ARAP2: variants seen among roughly 807,000 people sequenced by gnomAD.
ARAP2 encodes ArfGAP with RhoGAP domain, ankyrin repeat and PH domain 2.
ARAP2 carries 148 observed loss-of-function variants against 194.5 expected under a neutral mutation model. The ratio of observed to expected loss-of-function variants is 0.76; its 90% CI spans 0.67 to 0.87. The LOEUF (loss-of-function observed/expected upper bound fraction) is 0.87, where lower values mean the gene tolerates loss of function less well. Among genes scored for constraint, ARAP2 ranks in the 40% least tolerant of loss-of-function variants. ARAP2 has a pLI of 0.00. For synonymous variants in ARAP2, 695 were observed against 683.5 expected (o/e 1.02, Z -0.26); for missense variants, 2,128 against 1,989.7 (o/e 1.07, Z -1.32).
intron 8 of ARAP2, among the ~76,000 whole-genome samples, chr4:36,182,457 C>T (rs898250523): frequency 5.3e-5 from 8 of 151,952 alleles, no homozygotes; most frequent in Admixed American, 5.2e-4. Context: ...GATTGTGCCA[C>T]TGCACTCCAG....
At chr4:36,164,177 G>T (rs1439798602) in intron 11 of ARAP2, among the ~76,000 whole-genome samples, 1 of 152,080 alleles carries the variant, frequency 6.6e-6, no homozygotes, top group Non-Finnish European at 1.5e-5. Flanking sequence ...CTCTCTCTCT[G>T]TCTCTCTCAT....
intron 19 of ARAP2, 50 bp downstream of exon 19, chr4:36,147,246 C>A: frequency 1.3e-6 from 2 of 1,522,820 alleles, no homozygotes; most frequent in Non-Finnish European, 1.8e-6. Context: ...AACAAAATCC[C>A]GCTGCCCAGA....
At chr4:36,026,365 T>C (rs1156379155) in intron 5 of ARAP2, among the ~76,000 whole-genome samples, 1 of 152,202 alleles carries the variant, frequency 6.6e-6, no homozygotes, top group African/African-American at 2.4e-5. Context: ...TTGGCAGGGA[T>C]GTCAGACGGG....
At chr4:36,021,348 C>G (rs893247110) in intron 5 of ARAP2, among the ~76,000 whole-genome samples, 1 of 152,214 alleles carries the variant, frequency 6.6e-6, no homozygotes, top group Non-Finnish European at 1.5e-5. Flanking sequence ...ATTCAAATCT[C>G]ATGTTCAATT....
chr4:36,113,171 G>A (rs923799537), intron 26 of ARAP2, among the ~76,000 whole-genome samples: 2 of 152,062 alleles, frequency 1.3e-5, no homozygotes, highest in African/African-American at 4.8e-5. Context: ...GTGAATCTGG[G>A]AACTTGACAG....
At chr4:36,090,864 T>G (rs1713431440) in intron 28 of ARAP2, among the ~76,000 whole-genome samples, 1 of 152,100 alleles carries the variant, frequency 6.6e-6, no homozygotes, top group African/African-American at 2.4e-5. Context: ...CAAGTTTACC[T>G]ATCTAACAAA....
At chr4:36,106,435 A>G (rs1357067983) in intron 27 of ARAP2, among the ~76,000 whole-genome samples, 3 of 151,862 alleles carry the variant, frequency 2.0e-5, no homozygotes. Context: ...TACTACTTGC[A>G]TTTTGTAAAA....
intron 6 of ARAP2, among the ~76,000 whole-genome samples, chr4:36,195,986 T>C (rs1036939995): frequency 2.0e-5 from 3 of 152,262 alleles, no homozygotes; most frequent in African/African-American, 2.4e-5. Context: ...AAAAGCACAG[T>C]CCTTCTGGCA....
chr4:36,114,427 C>G, intron 25 of ARAP2, 140 bp from the exon 26 acceptor site: 1 of 588,600 alleles, frequency 1.7e-6, no homozygotes, highest in Non-Finnish European at 3.0e-6. Flanking sequence ...TTCCCTAATC[C>G]CATACAGAAA....
chr4:36,039,112 A>G (rs1356132024), intron 5 of ARAP2, among the ~76,000 whole-genome samples: 2 of 152,198 alleles, frequency 1.3e-5, no homozygotes, highest in Non-Finnish European at 1.5e-5. Flanking sequence ...GGGCAGGGAG[A>G]TAAGAAGGAA....
chr4:36,202,138 C>T (rs958110095), intron 6 of ARAP2, among the ~76,000 whole-genome samples: 1 of 152,030 alleles, frequency 6.6e-6, no homozygotes, highest in Non-Finnish European at 1.5e-5. Flanking sequence ...CTAACGAGAC[C>T]CAATATTTTC....
intron 28 of ARAP2, among the ~76,000 whole-genome samples, chr4:36,086,771 T>C (rs1711970195): frequency 6.6e-6 from 1 of 152,112 alleles, no homozygotes; most frequent in Non-Finnish European, 1.5e-5. Flanking sequence ...CTTATTAAAG[T>C]ATAGGCAACT....
chr4:36,052,739 C>A (rs982206024), intron 2 of ARAP2, among the ~76,000 whole-genome samples: 48 of 152,076 alleles, frequency 3.2e-4, no homozygotes, highest in African/African-American at 1.0e-3. Context: ...CCGAGGCGGG[C>A]GGATCACGAG....
intron 5 of ARAP2, among the ~76,000 whole-genome samples, chr4:36,024,642 C>A (rs1717590121): frequency 6.6e-6 from 1 of 152,010 alleles, no homozygotes; most frequent in African/African-American, 2.4e-5. Context: ...CTAAAATAAA[C>A]AAATATTTAA....
chr4:36,075,087 A>T (rs1156649603), intron 31 of ARAP2, among the ~76,000 whole-genome samples: 2 of 152,078 alleles, frequency 1.3e-5, no homozygotes, highest in South Asian at 2.1e-4. Flanking sequence ...AAACATGGTT[A>T]AAAAAAGCAT....
intron 1 of ARAP2, among the ~76,000 whole-genome samples, chr4:36,231,206 C>T (rs1408929310): frequency 3.9e-5 from 6 of 152,120 alleles, no homozygotes; most frequent in East Asian, 1.9e-4. Flanking sequence ...TGTGAGGGTG[C>T]GTGCCTGTAA....
At chr4:36,097,230 T>C (rs1715554092) in intron 27 of ARAP2, among the ~76,000 whole-genome samples, 1 of 151,986 alleles carries the variant, frequency 6.6e-6, no homozygotes, top group African/African-American at 2.4e-5. Context: ...GTGCACCCTA[T>C]TAAGGGACTC....
intron 2 of ARAP2, among the ~76,000 whole-genome samples, chr4:36,226,397 T>TA (rs1384638786): frequency 3.9e-5 from 6 of 152,160 alleles, no homozygotes; most frequent in African/African-American, 1.4e-4. Flanking sequence ...CCAGCCTCCT[T>TA]AAAAGCAGAA....
intron 9 of ARAP2, among the ~76,000 whole-genome samples, chr4:36,171,208 G>C (rs1057228630): frequency 6.6e-6 from 1 of 152,112 alleles, no homozygotes; most frequent in South Asian, 2.1e-4. Context: ...CTGCTATAAA[G>C]ACACATGCAC....
Sources: allele counts gnomAD v4.1 joint callset (sites outside exome capture counted in the v4.1 genomes callset), GRCh38; gene constraint gnomAD v4.1.1; transcripts MANE v1.5; gene names NCBI Gene and HGNC (gene_info 2026-07-23, HGNC 2026-07-21).